AGBL1: variants seen among roughly 807,000 people sequenced by gnomAD.
AGBL1 encodes cytosolic carboxypeptidase 4.
A neutral mutation model predicts 118.9 loss-of-function variants in AGBL1; 130 were observed. The observed-to-expected ratio is 1.09, with a 90% confidence interval of 0.95 to 1.26. AGBL1 has a LOEUF of 1.26. Ranked by LOEUF, AGBL1 falls within the 50% of genes most tolerant of loss-of-function variation. The pLI is 0.00. For missense variants in AGBL1, 1,584 were observed against 1,298.1 expected (o/e 1.22, Z -3.38); for synonymous variants, 555 against 478.9 (o/e 1.16, Z -2.08).
At position 86,264,774 on chromosome 15, in the gene AGBL1, G is replaced by A. The variant is rs753190553; in HGVS notation, c.1603G>A (p.Val535Ile). The change falls in exon 11 of 23, where the codon GTC becomes ATC. Residue 535 changes from valine (V) to isoleucine (I), a missense_variant. By Grantham distance (29) the Val-to-Ile change is conservative (BLOSUM62 3). Coordinates refer to ENST00000614907, the MANE Select transcript of AGBL1 (RefSeq NM_001386094.1). ...VDFKMMAFPD[V>I]WGHCPPPTTQ... ...CTTCAAGATGATGGCATTTCCTGAT[G>A]TCTGGGGACACTGTCCCCCTCCCAC... The A allele has an allele frequency of 6.2e-7, 1 of 1,614,028 alleles. No individual in the cohort carries two copies. Among genetic ancestry groups the A allele is most frequent in the East Asian group, 2.2e-5 (1 of 44,882 alleles).
intron 21 of AGBL1, among the ~76,000 whole-genome samples, chr15:86,646,824 G>C (rs2085286923): frequency 6.6e-6 from 1 of 152,098 alleles, no homozygotes; most frequent in South Asian, 2.1e-4. Flanking sequence ...GATAGGTGGT[G>C]AGTAATTAGG....
intron 6 of AGBL1, among the ~76,000 whole-genome samples, chr15:86,243,941 AC>A (rs2078677343): frequency 6.6e-6 from 1 of 151,964 alleles, no homozygotes; most frequent in African/African-American, 2.4e-5. Context: ...AGTCACTTGA[AC>A]TTGGGAGGCA....
chr15:86,277,725 A>T (rs553341224), intron 15 of AGBL1, among the ~76,000 whole-genome samples: 1 of 152,248 alleles, frequency 6.6e-6, no homozygotes, highest in South Asian at 2.1e-4. Flanking sequence ...CGGGACACCT[A>T]TTATTTTTGA....
rs137949560 is a variant in AGBL1 at position 86,103,469 on chromosome 15, T to C, written c.51+23446T>C. Among the ~76,000 whole-genome samples, 403 of 152,354 alleles carry C rather than the reference T, an allele frequency of 2.6e-3. 3 individuals are homozygous for C. The highest frequency in any genetic ancestry group is 8.4e-3 in the African/African-American group (351 of 41,582). On this transcript the variant is annotated intron_variant, in intron 1 of 22. Coordinates refer to ENST00000614907, the MANE Select transcript of AGBL1 (RefSeq NM_001386094.1). ...GATATCTGCGCATCTGGTAAAGCAGTCACTTCTCCCATTTTTTTTGGATTT... is the reference window on the plus strand; with the variant it reads ...GATATCTGCGCATCTGGTAAAGCAGCCACTTCTCCCATTTTTTTTGGATTT...
At position 86,089,948 on chromosome 15, in the gene AGBL1, A is replaced by G. The variant is rs77894318; in HGVS notation, c.51+9925A>G. On this transcript the variant is annotated intron_variant, in intron 1 of 22. Coordinates refer to ENST00000614907, the MANE Select transcript of AGBL1 (RefSeq NM_001386094.1). Reference sequence around the variant, plus strand: ...TTGCACTGCAGAAGAGGTTAAGATGATAATATTTGAAGAAAAATGGGCATT... The same window carrying G: ...TTGCACTGCAGAAGAGGTTAAGATGGTAATATTTGAAGAAAAATGGGCATT... Among the ~76,000 whole-genome samples, 412 of 152,348 alleles carry G rather than the reference A, an allele frequency of 2.7e-3. 3 individuals are homozygous for G. Among genetic ancestry groups the G allele is most frequent in the African/African-American group, 8.7e-3 (360 of 41,574 alleles).
intron 1 of AGBL1, among the ~76,000 whole-genome samples, chr15:86,080,892 G>A (rs997592158): frequency 1.3e-5 from 2 of 151,962 alleles, no homozygotes; most frequent in African/African-American, 4.8e-5. Context: ...AGGAGTTTAA[G>A]CTGGAAGTTC....
intron 5 of AGBL1, among the ~76,000 whole-genome samples, chr15:86,212,009 A>G (rs1469847312): frequency 6.6e-6 from 1 of 152,072 alleles, no homozygotes. Context: ...TGTCTCCTGG[A>G]ATTCTTGTTT....
At chr15:86,830,203 T>A (rs570153209) in intron 22 of AGBL1, among the ~76,000 whole-genome samples, 1 of 152,316 alleles carries the variant, frequency 6.6e-6, no homozygotes, top group East Asian at 1.9e-4. Flanking sequence ...GAATTTTTTT[T>A]ACCTACACAT....
At chr15:86,539,828 G>C (rs961157666) in intron 19 of AGBL1, among the ~76,000 whole-genome samples, 1 of 152,196 alleles carries the variant, frequency 6.6e-6, no homozygotes, top group East Asian at 1.9e-4. Context: ...CCCCCTGGAA[G>C]TGTGCAACTG....
At chr15:86,988,159 A>G (rs2081302819) in intron 24 of AGBL1, 2 of 1,564,888 alleles carry the variant, frequency 1.3e-6, no homozygotes, top group African/African-American at 2.7e-5. Context: ...CCTGCATGTG[A>G]CTACATTGGG....
chr15:86,815,765 G>C (rs1377089), intron 22 of AGBL1, among the ~76,000 whole-genome samples: 3 of 151,928 alleles, frequency 2.0e-5, no homozygotes, highest in South Asian at 2.1e-4. Context: ...CTCTATCCCC[G>C]TCCTCTCCTC....
intron 24 of AGBL1, among the ~76,000 whole-genome samples, chr15:86,994,621 C>T (rs1295223062): frequency 6.6e-6 from 1 of 152,130 alleles, no homozygotes; most frequent in Non-Finnish European, 1.5e-5. Flanking sequence ...GATCAGTTTG[C>T]TTCTTTATCA....
intron 18 of AGBL1, among the ~76,000 whole-genome samples, chr15:86,493,454 TG>T (rs2142146393): frequency 6.6e-6 from 1 of 151,936 alleles, no homozygotes; most frequent in East Asian, 2.0e-4. Context: ...ACTGGTAAAA[TG>T]TGAAAGATGA....
intron 17 of AGBL1, among the ~76,000 whole-genome samples, chr15:86,329,505 C>T (rs1319132287): frequency 2.0e-5 from 3 of 152,172 alleles, no homozygotes; most frequent in African/African-American, 4.8e-5. Flanking sequence ...TCACCTCACC[C>T]TTCCTGTGCA....
chr15:86,210,643 G>C (rs2078076735), intron 5 of AGBL1, among the ~76,000 whole-genome samples: 1 of 152,232 alleles, frequency 6.6e-6, no homozygotes, highest in East Asian at 1.9e-4. Flanking sequence ...CGTAGTTCTT[G>C]TGCCATGGTT....
intron 6 of AGBL1, among the ~76,000 whole-genome samples, chr15:86,239,257 T>G (rs1343934700): frequency 6.6e-6 from 1 of 152,200 alleles, no homozygotes; most frequent in Non-Finnish European, 1.5e-5. Flanking sequence ...AAAACAAGAT[T>G]TGCTTGAAAC....
intron 19 of AGBL1, among the ~76,000 whole-genome samples, chr15:86,535,194 G>T (rs539847464): frequency 2.6e-5 from 4 of 152,206 alleles, no homozygotes; most frequent in African/African-American, 4.8e-5. Flanking sequence ...GGTCTGTTTA[G>T]AAGTCAGAAA....
chr15:86,634,946 G>A (rs1383384341), intron 21 of AGBL1, among the ~76,000 whole-genome samples: 1 of 151,800 alleles, frequency 6.6e-6, no homozygotes, highest in Non-Finnish European at 1.5e-5. Flanking sequence ...AACAAGAGAT[G>A]GCATGTTTCA....
At chr15:86,328,007 T>G (rs1369000475) in intron 17 of AGBL1, among the ~76,000 whole-genome samples, 1 of 152,226 alleles carries the variant, frequency 6.6e-6, no homozygotes, top group Non-Finnish European at 1.5e-5. Flanking sequence ...GCTTTGTTTT[T>G]AAGCCTCTGT....
Sources: allele counts gnomAD v4.1 joint callset (sites outside exome capture counted in the v4.1 genomes callset), GRCh38; gene constraint gnomAD v4.1.1; transcripts MANE v1.5; gene names NCBI Gene and HGNC (gene_info 2026-07-23, HGNC 2026-07-21).